Variants in RIMS4 observed in about 807,000 individuals in gnomAD.
RIMS4 encodes the protein regulating synaptic membrane exocytosis protein 4.
Under a neutral mutation model 29.0 loss-of-function variants are expected in RIMS4, and 9 were observed. The ratio of observed to expected loss-of-function variants is 0.31; its 90% CI spans 0.19 to 0.54. The LOEUF (loss-of-function observed/expected upper bound fraction) is 0.54, where lower values mean the gene tolerates loss of function less well. Ranked by LOEUF, RIMS4 falls within the 20% of genes least tolerant of loss-of-function variation. The probability of loss-of-function intolerance (pLI) is 0.94; values close to 1 mark genes in which losing one functional copy is unlikely to be tolerated. For missense variants in RIMS4, 193 were observed against 365.7 expected (o/e 0.53, Z 3.85); for synonymous variants, 130 against 152.9 (o/e 0.85, Z 1.10).
chr20:44,802,118 G>A (rs1246781168), intron 1 of RIMS4, among the ~76,000 whole-genome samples: 2 of 152,136 alleles, frequency 1.3e-5, no homozygotes, highest in East Asian at 1.9e-4. Context: ...CAAGTTTGGC[G>A]GCCCTGCTCT....
chr20:44,771,959 A>T (rs1245149445), intron 1 of RIMS4, among the ~76,000 whole-genome samples: 1 of 152,146 alleles, frequency 6.6e-6, no homozygotes. Context: ...GACATTGCCA[A>T]ATAGCCCCTA....
At chr20:44,807,144 G>C (rs8122856) in intron 1 of RIMS4, among the ~76,000 whole-genome samples, 1 of 152,198 alleles carries the variant, frequency 6.6e-6, no homozygotes, top group South Asian at 2.1e-4. Flanking sequence ...CCTTGTGAAA[G>C]AGGGCAAAAG....
At chr20:44,793,613 T>C (rs2066242227) in intron 1 of RIMS4, among the ~76,000 whole-genome samples, 1 of 152,030 alleles carries the variant, frequency 6.6e-6, no homozygotes, top group South Asian at 2.1e-4. Flanking sequence ...CTCAGGGCCA[T>C]TTGGGCAGGG....
At chr20:44,768,679 C>T (rs1156578794) in intron 2 of RIMS4, among the ~76,000 whole-genome samples, 2 of 152,202 alleles carry the variant, frequency 1.3e-5, no homozygotes, top group African/African-American at 4.8e-5. Context: ...TGCTGCTGGA[C>T]CCGTCACCCT....
At chr20:44,791,583 G>A (rs777039996) in intron 1 of RIMS4, among the ~76,000 whole-genome samples, 5 of 152,166 alleles carry the variant, frequency 3.3e-5, no homozygotes, top group East Asian at 1.9e-4. Context: ...GCATGATACC[G>A]TTTTTAAAAA....
At chr20:44,790,520 T>G (rs559868716) in intron 1 of RIMS4, among the ~76,000 whole-genome samples, 1 of 152,202 alleles carries the variant, frequency 6.6e-6, no homozygotes, top group Non-Finnish European at 1.5e-5. Context: ...ACAACAGATA[T>G]GATTCTCACT....
chr20:44,785,408 G>A (rs576667245), intron 1 of RIMS4, among the ~76,000 whole-genome samples: 6 of 152,062 alleles, frequency 3.9e-5, no homozygotes, highest in South Asian at 2.1e-4. Flanking sequence ...ACAGGGTCTC[G>A]CCATGTTGCC....
Position 44,757,009 on chromosome 20 carries a change from C to A in RIMS4, c.480G>T (p.Glu160Asp). Residue 160 changes from glutamate to aspartate, a missense_variant, in exon 5 of 6, where the codon GAG (glutamate) becomes GAT (aspartate). Transcript: ENST00000372851. Reference sequence around the variant, plus strand: ...TCTTCTTGGCAATGCAGATGCCATTCTCTAGCAGGTAGGCCTTGATGTAGG... The same window carrying A: ...TCTTCTTGGCAATGCAGATGCCATTATCTAGCAGGTAGGCCTTGATGTAGG... ...PAAYIKAYLL[E>D]NGICIAKKKT... 1 of 1,614,036 alleles carries A rather than the reference C, an allele frequency of 6.2e-7. No homozygotes were observed.
Position 44,756,117 on chromosome 20 carries a change from C to T in RIMS4, c.*17G>A. 1 of 1,565,038 alleles carries T rather than the reference C, an allele frequency of 6.4e-7. No homozygotes were observed. The highest frequency in any genetic ancestry group is 1.3e-5 in the African/African-American group (1 of 74,248). On this transcript the variant is annotated 3_prime_UTR_variant, in exon 6 of 6. Coordinates refer to ENST00000372851, the MANE Select transcript of RIMS4 (RefSeq NM_182970.4). This position sits in a 1 kb window ranked among gnomAD's most constrained non-coding sequence, Gnocchi z 5.9. ...TGGTCTCCAGGCCATCTTGGGGAGC[C>T]CCTCCCCATTCCAGCACTAAGATCG...
intron 1 of RIMS4, among the ~76,000 whole-genome samples, chr20:44,799,641 A>G (rs1304793217): frequency 6.6e-6 from 1 of 152,212 alleles, no homozygotes; most frequent in Non-Finnish European, 1.5e-5. Context: ...GGGTGACTCC[A>G]GGTGGCGTTC....
chr20:44,770,896 C>T (rs373453947), intron 2 of RIMS4, among the ~76,000 whole-genome samples: 21 of 152,348 alleles, frequency 1.4e-4, no homozygotes, highest in African/African-American at 5.1e-4. Flanking sequence ...GTGCCAAACA[C>T]TGCTTTATGC....
intron 1 of RIMS4, among the ~76,000 whole-genome samples, chr20:44,779,135 AT>A (rs1424264271): frequency 2.0e-5 from 3 of 152,162 alleles, no homozygotes; most frequent in African/African-American, 7.2e-5. Flanking sequence ...ATTATTCCAA[AT>A]CTTCCATGTG....
chr20:44,807,913 A>C (rs535613394), intron 1 of RIMS4, among the ~76,000 whole-genome samples: 1 of 152,068 alleles, frequency 6.6e-6, no homozygotes, highest in South Asian at 2.1e-4. Flanking sequence ...CCGCACCCCC[A>C]GGCCTCCTCA....
intron 1 of RIMS4, among the ~76,000 whole-genome samples, chr20:44,792,020 C>G (rs753787233): frequency 1.3e-5 from 2 of 152,148 alleles, no homozygotes; most frequent in Non-Finnish European, 2.9e-5. Context: ...CCACATCCAG[C>G]CTAGTAATCA....
chr20:44,809,899 C>T (rs1452366425), intron 1 of RIMS4, among the ~76,000 whole-genome samples: 1 of 151,906 alleles, frequency 6.6e-6, no homozygotes, highest in Non-Finnish European at 1.5e-5. Flanking sequence ...CAAGGGGCCT[C>T]CAATAGGCGC....
At chr20:44,785,753 T>C (rs532800887) in intron 1 of RIMS4, among the ~76,000 whole-genome samples, 2 of 149,758 alleles carry the variant, frequency 1.3e-5, no homozygotes, top group Non-Finnish European at 1.5e-5. Flanking sequence ...AGGTTTTCTT[T>C]TTTTTTTTTT....
intron 2 of RIMS4, among the ~76,000 whole-genome samples, chr20:44,764,093 CCCATCCATCCGTCCATCCATTTAT>C (rs1294077842): frequency 2.4e-3 from 85 of 35,654 alleles, no homozygotes; most frequent in Non-Finnish European, 2.3e-3. Context: ...CATCCATCCA[CCCATCCATCCGTCCATCCATTTAT>C]CCATCCATCC....
chr20:44,806,938 G>C (rs1323988260), intron 1 of RIMS4, among the ~76,000 whole-genome samples: 6 of 152,118 alleles, frequency 3.9e-5, no homozygotes, highest in Non-Finnish European at 8.8e-5. Context: ...AATATGTCTC[G>C]CACAAAGGTA....
At chr20:44,790,627 C>A (rs989380442) in intron 1 of RIMS4, among the ~76,000 whole-genome samples, 23 of 152,350 alleles carry the variant, frequency 1.5e-4, no homozygotes, top group African/African-American at 1.9e-4. Flanking sequence ...TAGGGCCTGG[C>A]CCAGTGCAGG....
Sources: gnomAD v4.1 joint callset for allele counts (sites outside exome capture counted in the v4.1 genomes callset) on GRCh38, gnomAD v4.1.1 for gene constraint, Gnocchi (gnomAD v3.1) non-coding constraint, MANE v1.5 for transcripts, NCBI Gene and HGNC (gene_info 2026-07-23, HGNC 2026-07-21) for gene names.